SCUBE2: variants seen among roughly 807,000 people sequenced by gnomAD.
SCUBE2 encodes the protein signal peptide, CUB domain and EGF like domain containing 2, also known as signal peptide, CUB and EGF-like domain-containing protein 2.
A neutral mutation model predicts 125.9 loss-of-function variants in SCUBE2; 114 were observed. The ratio of observed to expected loss-of-function variants is 0.91; its 90% confidence interval spans 0.78 to 1.06. The LOEUF (loss-of-function observed/expected upper bound fraction) is 1.06, where lower values mean the gene tolerates loss of function less well. Ranked by LOEUF, SCUBE2 falls within the 50% of genes least tolerant of loss-of-function variation. The pLI, the probability that SCUBE2 is intolerant of heterozygous loss-of-function variation, is 0.00. For missense variants in SCUBE2, 1,255 were observed against 1,301.8 expected (o/e 0.96, Z 0.55); for synonymous variants, 459 against 492.9 (o/e 0.93, Z 0.91).
chr11:9,038,620 CA>C lies in SCUBE2; in HGVS notation c.2003-4825del, dbSNP rs1056579152. Among the ~76,000 whole-genome samples, 117 of 150,078 alleles carry C rather than the reference CA, an allele frequency of 7.8e-4. 11 individuals carry two copies. The highest frequency in any genetic ancestry group is 8.8e-5 in the Non-Finnish European group (6 of 67,976). ...ACAGAGCAAGACCCTGTCTAAAAAA[CA>C]AACAAACAAACAAACACAAAACAAC... On this transcript the variant is annotated intron_variant, in intron 16 of 22. Transcript: ENST00000649792.
intron 16 of SCUBE2, among the ~76,000 whole-genome samples, chr11:9,041,497 G>A (rs759632069): frequency 6.0e-4 from 92 of 152,304 alleles, no homozygotes; most frequent in Non-Finnish European, 4.7e-4. Context: ...GTGAGGTATG[G>A]AGAAGCAGAA....
At chr11:9,081,895 G>C (rs2135936314) in intron 2 of SCUBE2, among the ~76,000 whole-genome samples, 1 of 152,136 alleles carries the variant, frequency 6.6e-6, no homozygotes, top group Middle Eastern at 3.4e-3. Context: ...AAAATTTTTT[G>C]AGGAACTTCC....
chr11:9,072,677 A>C (rs942164591), intron 4 of SCUBE2, among the ~76,000 whole-genome samples: 1 of 152,186 alleles, frequency 6.6e-6, no homozygotes, highest in Non-Finnish European at 1.5e-5. Context: ...ACTCCCATGA[A>C]TTTGCCAAGC....
At chr11:9,022,526 C>T (rs1255895025) in intron 21 of SCUBE2, 1 of 153,306 alleles carries the variant, frequency 6.5e-6, no homozygotes, top group Non-Finnish European at 1.5e-5. Context: ...CCCCATCACT[C>T]CTCCAAAACT....
intron 7 of SCUBE2, among the ~76,000 whole-genome samples, chr11:9,062,848 G>A (rs1248345551): frequency 1.5e-4 from 20 of 132,612 alleles, no homozygotes; most frequent in African/African-American, 1.9e-4. Flanking sequence ...ACAAGGGAGA[G>A]AAAAGAAAAA....
In SCUBE2 at chr11:9,079,374, C is replaced by T. The variant is rs1374500146; in HGVS notation, c.382+10G>A. The T allele has an allele frequency of 1.2e-6, 2 of 1,613,614 alleles. No homozygotes were observed. Among genetic ancestry groups the T allele is most frequent in the African/African-American group, 1.3e-5 (1 of 74,916 alleles). ...GAAGGAGAATTGCCATTTCCAAATG[C>T]CTTCCTTACCAAGACAATTATGACC... On this transcript the variant is annotated intron_variant, in intron 3 of 22. Transcript: ENST00000649792.
chr11:9,050,821 C>T (rs1858283807), intron 13 of SCUBE2, 111 bp from the exon 14 acceptor site: 1 of 800,680 alleles, frequency 1.2e-6, no homozygotes, highest in South Asian at 1.5e-5. Context: ...ACAGCACACC[C>T]TGAGACCCTC....
At chr11:9,031,961 C>T (rs1486309718) in intron 17 of SCUBE2, among the ~76,000 whole-genome samples, 1 of 152,206 alleles carries the variant, frequency 6.6e-6, no homozygotes, top group Non-Finnish European at 1.5e-5. Flanking sequence ...ACATCCTCCA[C>T]TTGGCTGTGT....
chr11:9,091,412 G>C lies in SCUBE2; in HGVS notation c.117C>G (p.Ala39=). The C allele has an allele frequency of 1.5e-6, 2 of 1,311,128 alleles. No homozygotes were observed. The highest frequency in any genetic ancestry group is 1.9e-6 in the Non-Finnish European group (2 of 1,035,432). 81.2% of individuals were successfully genotyped at this position (1,311,128 alleles called of 1,614,324 possible). ...AGAVPPGRGR[A]AGPQEDVDEC... is the part of the protein sequence containing the mutation. ...GACACTCACCCTCCTGCGGCCCCGC[G>C]GCACGGCCCCGACCCGGCGGGACGG... is the stretch of plus-strand genomic sequence containing the variant. Residue 39 remains alanine, a synonymous_variant, in exon 1 of 23, where the codon GCC becomes GCG. Coordinates refer to ENST00000649792, the MANE Select transcript of SCUBE2 (RefSeq NM_001367977.2). This position sits in a 1 kb window ranked among gnomAD's most constrained non-coding sequence, Gnocchi z 8.5.
At chr11:9,071,110 C>T (rs1000002302) in intron 4 of SCUBE2, among the ~76,000 whole-genome samples, 2 of 152,164 alleles carry the variant, frequency 1.3e-5, no homozygotes, top group African/African-American at 4.8e-5. Context: ...GCCCAGAAAG[C>T]GTTGTGTTTG....
chr11:9,040,059 C>T (rs1168375895), intron 16 of SCUBE2, among the ~76,000 whole-genome samples: 3 of 152,290 alleles, frequency 2.0e-5, no homozygotes, highest in South Asian at 2.1e-4. Flanking sequence ...CGCGCGTCCG[C>T]ACCACAGGAG....
chr11:9,090,118 C>T (rs1862510041), intron 1 of SCUBE2, among the ~76,000 whole-genome samples: 2 of 152,190 alleles, frequency 1.3e-5, no homozygotes, highest in African/African-American at 4.8e-5. Flanking sequence ...GCTGCCCTCA[C>T]CAAGTGCTCG....
In SCUBE2 at chr11:9,072,076, G is replaced by A. The variant is rs149323405; in HGVS notation, c.517+2405C>T. 2.1e-3 allele frequency among the ~76,000 whole-genome samples: 327 copies of A among 152,240 alleles called. 1 individual carries two copies. The highest frequency in any genetic ancestry group is 7.4e-3 in the African/African-American group (307 of 41,540). On this transcript the variant is annotated intron_variant, in intron 4 of 22. Coordinates refer to ENST00000649792, the MANE Select transcript of SCUBE2 (RefSeq NM_001367977.2). ...TTCCCTCAGAGTCAATGATTATGAT[G>A]CCCTATATTAAAGAACATTTGGTAA...
intron 2 of SCUBE2, among the ~76,000 whole-genome samples, chr11:9,089,166 A>G (rs1862388991): frequency 6.6e-6 from 1 of 152,198 alleles, no homozygotes; most frequent in Non-Finnish European, 1.5e-5. Context: ...CTCTGCACAC[A>G]TCTCTCCAGA....
At chr11:9,077,919 G>A (rs1323863113) in intron 3 of SCUBE2, among the ~76,000 whole-genome samples, 1 of 152,196 alleles carries the variant, frequency 6.6e-6, no homozygotes, top group Non-Finnish European at 1.5e-5. Flanking sequence ...CACCAGCCCT[G>A]GCCCAGGTTC....
intron 20 of SCUBE2, chr11:9,026,115 G>C: frequency 3.1e-6 from 1 of 321,624 alleles, no homozygotes; most frequent in East Asian, 5.5e-5. Context: ...GTTCACTGTA[G>C]GAGCTGGGTG....
At chr11:9,035,154 C>T (rs1856655329) in intron 16 of SCUBE2, among the ~76,000 whole-genome samples, 2 of 152,236 alleles carry the variant, frequency 1.3e-5, no homozygotes, top group Admixed American at 1.3e-4. Context: ...TGGCTCCCTA[C>T]TATTCAAACA....
chr11:9,054,793 T>A (rs150101104), intron 10 of SCUBE2, among the ~76,000 whole-genome samples: 11 of 129,456 alleles, frequency 8.5e-5, no homozygotes, highest in Non-Finnish European at 4.7e-5. Flanking sequence ...TGGAGTGCAA[T>A]GGCACAACCT....
chr11:9,051,241 T>C (rs202247198), intron 13 of SCUBE2, among the ~76,000 whole-genome samples: 226 of 98,788 alleles, frequency 2.3e-3, no homozygotes, highest in South Asian at 8.0e-3. Context: ...TACCTACCTA[T>C]CTATCTATCT....
Sources: allele counts gnomAD v4.1 joint callset (sites outside exome capture counted in the v4.1 genomes callset), GRCh38; gene constraint gnomAD v4.1.1; non-coding constraint Gnocchi (gnomAD v3.1); transcripts MANE v1.5; gene names NCBI Gene and HGNC (gene_info 2026-07-23, HGNC 2026-07-21).